Variants in NLGN4X observed in about 807,000 individuals in gnomAD.
The protein encoded by NLGN4X is neuroligin 4 X-linked, also known as neuroligin-4, X-linked.
In NLGN4X, 3 loss-of-function variants were observed where a neutral mutation model predicts 40.3. That is an observed-to-expected ratio of 0.07 (90% CI 0.03 to 0.19). The LOEUF (loss-of-function observed/expected upper bound fraction) is 0.19, where lower values mean the gene tolerates loss of function less well. Among genes scored for constraint, NLGN4X ranks in the 10% least tolerant of loss-of-function variants. The probability of loss-of-function intolerance (pLI) is 1.00; values close to 1 mark genes in which losing one functional copy is unlikely to be tolerated. For missense variants in NLGN4X, 382 were observed against 708.3 expected (o/e 0.54, Z 5.23); for synonymous variants, 270 against 306.8 (o/e 0.88, Z 1.25).
chrX:5,899,241 A>T (rs1236620884), intron 5 of NLGN4X, among the ~76,000 whole-genome samples: 1 of 112,174 alleles, frequency 8.9e-6, no homozygotes. Context: ...GATGTTTCCC[A>T]TGGGCGGAAG....
At chrX:6,115,892 C>T (rs1001567227) in intron 2 of NLGN4X, among the ~76,000 whole-genome samples, 6 of 111,417 alleles carry the variant, frequency 5.4e-5, no homozygotes, top group Non-Finnish European at 1.1e-4. Context: ...GAAGACACCA[C>T]CCAATTCTCC....
chrX:6,098,624 C>T (rs2038836215), intron 2 of NLGN4X, among the ~76,000 whole-genome samples: 1 of 111,546 alleles, frequency 9.0e-6, no homozygotes, highest in African/African-American at 3.3e-5. Flanking sequence ...ATTGTCTACC[C>T]CTGCCTGCAT....
At chrX:6,134,449 T>C (rs2039766369) in intron 2 of NLGN4X, among the ~76,000 whole-genome samples, 1 of 111,586 alleles carries the variant, frequency 9.0e-6, no homozygotes, top group Non-Finnish European at 1.9e-5. Context: ...TTCTCCCAGA[T>C]GTTCTCACAT....
chrX:6,158,320 T>C (rs143696788), intron 1 of NLGN4X, among the ~76,000 whole-genome samples: 535 of 111,619 alleles, frequency 4.8e-3, no homozygotes, highest in African/African-American at 0.015. Flanking sequence ...ATCCCCAAAC[T>C]GCTTCCATGC....
At chrX:6,066,466 G>A (rs1463867104) in intron 2 of NLGN4X, among the ~76,000 whole-genome samples, 1 of 111,752 alleles carries the variant, frequency 8.9e-6, no homozygotes, top group African/African-American at 3.3e-5. Context: ...TCACAGTTTC[G>A]ATACTGATTA....
chrX:5,925,933 A>AC (rs2033298234), intron 3 of NLGN4X, among the ~76,000 whole-genome samples: 1 of 48,144 alleles, frequency 2.1e-5, no homozygotes, highest in Admixed American at 3.5e-4. Context: ...TATATATATA[A>AC]ACCTGCGAAG....
chrX:6,160,312 A>G (rs1376132787), intron 1 of NLGN4X, among the ~76,000 whole-genome samples: 5 of 111,343 alleles, frequency 4.5e-5, no homozygotes, highest in African/African-American at 1.6e-4. Context: ...GTTTTCCAAC[A>G]CCAGATAACC....
intron 1 of NLGN4X, among the ~76,000 whole-genome samples, chrX:6,215,901 G>C (rs2369487): frequency 0.2 from 21,121 of 103,310 alleles, 2,609 homozygotes; most frequent in African/African-American, 0.47. Flanking sequence ...TTTTGAGAGA[G>C]AGTCTTGCTC....
In NLGN4X at chrX:5,954,634, GTCTCTCTC is replaced by G. The variant is rs200878268; in HGVS notation, c.626-45403_626-45396del. 6.2e-4 allele frequency among the ~76,000 whole-genome samples: 59 copies of G among 94,908 alleles called. 1 individual carries two copies. The highest frequency in any genetic ancestry group is 1.6e-3 in the African/African-American group (42 of 25,806). The allele number at this position is 94,908 out of a possible 115,157, so 82.4% of individuals were successfully genotyped here. A position where few individuals can be genotyped will look rare whatever the true frequency, so the allele number is the denominator to read the frequency against. On this transcript the variant is annotated intron_variant, in intron 3 of 5. Coordinates refer to ENST00000381095, the MANE Select transcript of NLGN4X (RefSeq NM_181332.3). ...TCTGTCTCTGTCTCTCTCTGTCTCT[GTCTCTCTC>G]TCTCTCTCTCTCTCTCTCTCTCTGT...
intron 3 of NLGN4X, among the ~76,000 whole-genome samples, chrX:5,913,941 C>T (rs2032641914): frequency 1.8e-5 from 2 of 111,893 alleles, no homozygotes; most frequent in Admixed American, 1.9e-4. Context: ...CATTCTCTTG[C>T]CTGCCACCAT....
intron 2 of NLGN4X, among the ~76,000 whole-genome samples, chrX:6,055,700 T>C (rs2037607725): frequency 8.9e-6 from 1 of 112,260 alleles, no homozygotes; most frequent in Admixed American, 9.4e-5. Flanking sequence ...AAGTGTCATA[T>C]TTTTATATTT....
intron 3 of NLGN4X, among the ~76,000 whole-genome samples, chrX:5,961,256 T>C (rs1271794057): frequency 1.8e-5 from 2 of 112,188 alleles, no homozygotes; most frequent in Non-Finnish European, 3.8e-5. Flanking sequence ...TAATGAGAGA[T>C]TGGCTTTCAG....
At chrX:6,200,574 C>T (rs1014501599) in intron 1 of NLGN4X, among the ~76,000 whole-genome samples, 5 of 110,472 alleles carry the variant, frequency 4.5e-5, no homozygotes, top group South Asian at 3.8e-4. Context: ...TTTTAGACTA[C>T]GAAGGAGAAA....
chrX:5,978,324 CTTTCTTTCTTTCTTTCT>C (rs1569164977), intron 3 of NLGN4X, among the ~76,000 whole-genome samples: 20,248 of 78,994 alleles, frequency 0.26, 2,263 homozygotes, highest in South Asian at 0.28. Flanking sequence ...TTCTTTCTTT[CTTTCTTTCTTTCTTTCT>C]TTCCCTTCCT....
chrX:5,937,501 G>A (rs1386868606), intron 3 of NLGN4X, among the ~76,000 whole-genome samples: 3 of 111,637 alleles, frequency 2.7e-5, no homozygotes, highest in East Asian at 2.8e-4. Context: ...AGTAATCGGC[G>A]GACATGTTTG....
In NLGN4X at chrX:6,029,437, A is replaced by AG; in HGVS notation, c.473-6_473-5insC. 8.3e-7 allele frequency: 1 copy of AG among 1,205,212 alleles called. No individual in the cohort carries two copies. Among genetic ancestry groups the AG allele is most frequent in the Non-Finnish European group, 1.1e-6 (1 of 890,517 alleles). The stretch of plus-strand genomic sequence containing the variant: ...TACTGTTCTGATCATGAATATCTGG[A>AG]AAAAAAAGCCAAGTAAGGAAACACA... On this transcript the variant is annotated splice_region_variant and splice_polypyrimidine_tract_variant and intron_variant, in intron 2 of 5. Transcript: ENST00000381095.
chrX:6,205,796 G>A (rs1182291654), intron 1 of NLGN4X, among the ~76,000 whole-genome samples: 1 of 112,102 alleles, frequency 8.9e-6, no homozygotes, highest in Non-Finnish European at 1.9e-5. Context: ...CCTGACTTCT[G>A]AGGATCTAGA....
chrX:6,020,268 C>CA (rs1044629871), intron 3 of NLGN4X, among the ~76,000 whole-genome samples: 1 of 110,487 alleles, frequency 9.1e-6, no homozygotes, highest in African/African-American at 3.3e-5. Context: ...TATTCTACCT[C>CA]AAAAAAAAGG....
At chrX:6,057,687 T>A (rs1297669240) in intron 2 of NLGN4X, among the ~76,000 whole-genome samples, 1 of 112,063 alleles carries the variant, frequency 8.9e-6, no homozygotes, top group African/African-American at 3.2e-5. Flanking sequence ...TTTAGCTTGA[T>A]AAATCTCCAT....
Sources: allele counts gnomAD v4.1 joint callset (sites outside exome capture counted in the v4.1 genomes callset), GRCh38; gene constraint gnomAD v4.1.1; transcripts MANE v1.5; gene names NCBI Gene and HGNC (gene_info 2026-07-23, HGNC 2026-07-21).